Variants in CLCN5 observed in about 807,000 individuals in gnomAD.
The protein encoded by CLCN5 is Cl-/H+ antiporter 5, also known as H(+)/Cl(-) exchange transporter 5.
Under a neutral mutation model 54.0 loss-of-function variants are expected in CLCN5, and 17 were observed. The observed-to-expected ratio is 0.31, with a 90% CI of 0.22 to 0.47. CLCN5 has a LOEUF of 0.47. Among genes scored for constraint, CLCN5 ranks in the 20% least tolerant of loss-of-function variants. The pLI is 1.00. For missense variants in CLCN5, 448 were observed against 646.7 expected, an observed-to-expected ratio of 0.69 and a Z score of 3.33; for synonymous variants, 222 against 233.0, an observed-to-expected ratio of 0.95 and a Z score of 0.43.
chrX:50,015,943 A>G (rs1930769008), intron 3 of CLCN5, among the ~76,000 whole-genome samples: 1 of 111,489 alleles, frequency 9.0e-6, no homozygotes, highest in African/African-American at 3.3e-5. Flanking sequence ...GATTCTCCCA[A>G]TCTAACCTGC....
chrX:49,977,243 T>C (rs1381400007), intron 3 of CLCN5, among the ~76,000 whole-genome samples: 1 of 110,931 alleles, frequency 9.0e-6, no homozygotes, highest in African/African-American at 3.3e-5. Flanking sequence ...GGGATTTGTT[T>C]CCCTTATAAA....
At chrX:50,076,971 C>T (rs1311256489) in intron 7 of CLCN5, among the ~76,000 whole-genome samples, 1 of 112,214 alleles carries the variant, frequency 8.9e-6, no homozygotes, top group African/African-American at 3.2e-5. Context: ...ACTCCCAATT[C>T]CACCCTGACT....
intron 3 of CLCN5, among the ~76,000 whole-genome samples, chrX:50,012,518 A>T (rs1249714290): frequency 8.9e-6 from 1 of 112,623 alleles, no homozygotes; most frequent in Non-Finnish European, 1.9e-5. Flanking sequence ...CGAGCCTTCT[A>T]TTCAGGTTGT....
chrX:49,961,666 G>A (rs1213085638), intron 3 of CLCN5, among the ~76,000 whole-genome samples: 2 of 111,784 alleles, frequency 1.8e-5, no homozygotes, highest in East Asian at 2.8e-4. Flanking sequence ...GTACTAAATC[G>A]GTATGTAGAC....
At chrX:50,063,271 T>TA (rs1932893034) in intron 4 of CLCN5, among the ~76,000 whole-genome samples, 2 of 90,894 alleles carry the variant, frequency 2.2e-5, no homozygotes, top group South Asian at 1.0e-3. Flanking sequence ...GCAAGACTAA[T>TA]AAAGAAAAAA....
intron 3 of CLCN5, among the ~76,000 whole-genome samples, chrX:49,944,493 G>A (rs1926575014): frequency 8.9e-6 from 1 of 111,757 alleles, no homozygotes; most frequent in Non-Finnish European, 1.9e-5. Flanking sequence ...AGTTTTCAAA[G>A]GGAATGCTTC....
intron 3 of CLCN5, among the ~76,000 whole-genome samples, chrX:49,939,657 G>A (rs1926220062): frequency 9.0e-6 from 1 of 110,601 alleles, no homozygotes; most frequent in East Asian, 2.8e-4. Flanking sequence ...GGGTAGAGGG[G>A]AGGGATAGCA....
At chrX:50,032,984 TC>T (rs1337939535) in intron 3 of CLCN5, among the ~76,000 whole-genome samples, 1 of 111,545 alleles carries the variant, frequency 9.0e-6, no homozygotes, top group Non-Finnish European at 1.9e-5. Flanking sequence ...GGGAATCCTT[TC>T]CCCATTGCTT....
At chrX:49,969,357 C>T (rs1928086414) in intron 3 of CLCN5, among the ~76,000 whole-genome samples, 1 of 112,635 alleles carries the variant, frequency 8.9e-6, no homozygotes, top group Non-Finnish European at 1.9e-5. Flanking sequence ...GGATTACAGG[C>T]ATGAGCCCCT....
Position 50,090,265 on chromosome X carries a change from A to G in CLCN5, c.1894A>G (p.Ile632Val), listed in dbSNP as rs781809434. Residue 632 changes from isoleucine (I) to valine (V), a missense_variant, in exon 13 of 15, where the codon ATC becomes GTC. Transcript: ENST00000376091. ...LGREGIYDAH[I>V]RLNGYPFLEA... ...GCGGGAGGGCATCTATGATGCCCACATCCGTCTCAATGGATACCCCTTTCT... is the reference window on the plus strand; with the variant it reads ...GCGGGAGGGCATCTATGATGCCCACGTCCGTCTCAATGGATACCCCTTTCT... 1 of 1,211,769 alleles carries G rather than the reference A, an allele frequency of 8.3e-7. No individual in the cohort carries two copies. Among genetic ancestry groups the G allele is most frequent in the South Asian group, 1.8e-5 (1 of 57,002 alleles).
At chrX:49,953,134 C>T (rs782285790) in intron 3 of CLCN5, among the ~76,000 whole-genome samples, 2 of 111,126 alleles carry the variant, frequency 1.8e-5, no homozygotes, top group South Asian at 7.6e-4. Flanking sequence ...GATCAGCCTG[C>T]CTCGGCCTCC....
intron 4 of CLCN5, among the ~76,000 whole-genome samples, chrX:50,064,334 A>G (rs1213193163): frequency 1.1e-4 from 11 of 102,452 alleles, no homozygotes; most frequent in African/African-American, 3.2e-4. Context: ...AAATCAATGT[A>G]CAAAAATCAC....
At chrX:50,086,247 C>G in intron 10 of CLCN5, 81 bp from the exon 11 acceptor site, 1 of 1,045,049 alleles carries the variant, frequency 9.6e-7, no homozygotes, top group South Asian at 2.0e-5. Context: ...TTAGTTGACT[C>G]TCATGCCTGC....
chrX:50,000,939 T>C (rs1414028790), intron 3 of CLCN5, among the ~76,000 whole-genome samples: 1 of 111,232 alleles, frequency 9.0e-6, no homozygotes, highest in Non-Finnish European at 1.9e-5. Context: ...GACTGTTTCA[T>C]AATTCTTTCC....
chrX:49,994,443 GAATACTGTACCATAT>G (rs1368839373), intron 3 of CLCN5, among the ~76,000 whole-genome samples: 1 of 110,871 alleles, frequency 9.0e-6, no homozygotes, highest in Non-Finnish European at 1.9e-5. Flanking sequence ...AGGAGAACCA[GAATACTGTACCATAT>G]AATATAAGCT....
chrX:50,025,451 C>T (rs1436994529), intron 3 of CLCN5, among the ~76,000 whole-genome samples: 4 of 107,691 alleles, frequency 3.7e-5, no homozygotes, highest in African/African-American at 6.8e-5. Context: ...GCGTCGCTCA[C>T]GCTGGGAGCT....
At chrX:50,028,892 A>T (rs1204197069) in intron 3 of CLCN5, among the ~76,000 whole-genome samples, 4 of 111,977 alleles carry the variant, frequency 3.6e-5, no homozygotes, top group African/African-American at 1.3e-4. Context: ...GAATTAATCA[A>T]TTTTTTGTCT....
In CLCN5 at chrX:50,088,803, G is replaced by A. The variant is rs141943808; in HGVS notation, c.1663G>A (p.Val555Ile). ...QLAYYHQEWT[V>I]FNSWCSQGAD... is the part of the protein sequence containing the mutation. ...GGCTTATTACCACCAGGAATGGACC[G>A]TCTTCAATAGCTGGTGTAGTCAGGG... Residue 555 changes from valine (V) to isoleucine (I), a missense_variant, in exon 12 of 15, where the codon GTC (valine) becomes ATC (isoleucine). Transcript: ENST00000376091. 7.9e-5 allele frequency: 95 copies of A among 1,209,683 alleles called. No homozygotes were observed. The African/African-American group carries it at 1.2e-3, about 16-fold the overall frequency.
rs181954380 is a variant in CLCN5 at position 50,090,321 on chromosome X, C to A, written c.1950C>A (p.Thr650=). Residue 650 remains threonine, a synonymous_variant, in exon 13 of 15, where the codon ACC becomes ACA. Transcript: ENST00000376091. ...LEAKEEFAHK[T]LAMDVMKPRR... ...CCAAAGAAGAGTTTGCTCATAAGAC[C>A]CTGGCAATGGATGTGATGAAACCCC... The A allele has an allele frequency of 2.2e-5, 26 of 1,209,061 alleles. No individual in the cohort carries two copies. In the African/African-American group the frequency reaches 3.7e-4, roughly 17 times the overall value.
Sources: gnomAD v4.1 joint callset for allele counts (sites outside exome capture counted in the v4.1 genomes callset) on GRCh38, gnomAD v4.1.1 for gene constraint, MANE v1.5 for transcripts, NCBI Gene and HGNC (gene_info 2026-07-23, HGNC 2026-07-21) for gene names.